MAPK8IP1: variants seen among roughly 807,000 people sequenced by gnomAD.
MAPK8IP1 encodes the protein C-Jun-amino-terminal kinase-interacting protein 1.
MAPK8IP1 carries 17 observed loss-of-function variants against 72.6 expected under a neutral mutation model. That is an observed-to-expected ratio of 0.23 (90% CI 0.16 to 0.35). The LOEUF (loss-of-function observed/expected upper bound fraction) is 0.35. Among genes scored for constraint, MAPK8IP1 ranks in the 10% least tolerant of loss-of-function variants. The pLI is 1.00. For synonymous variants in MAPK8IP1, 401 were observed against 443.4 expected, an observed-to-expected ratio of 0.90 and a Z score of 1.20; for missense variants, 789 against 1,009.7, an observed-to-expected ratio of 0.78 and a Z score of 2.96.
rs779892799 is a variant in MAPK8IP1 at position 45,903,215 on chromosome 11, G to C, written c.1417+31G>C. 3.1e-6 allele frequency: 5 copies of C among 1,594,094 alleles called. No homozygotes were observed. In the African/African-American group the frequency reaches 5.4e-5, roughly 17 times the overall value. ...TCAGCAAGGGGAAGCAGTGGGGTGG[G>C]GGGGTCCCTAGCGGGGGCAGAGCCA... On this transcript the variant is annotated intron_variant, in intron 5 of 11. Transcript: ENST00000241014. This position sits in a 1 kb window ranked among gnomAD's most constrained non-coding sequence, Gnocchi z 6.4.
rs1280255769 is a variant in MAPK8IP1 at position 45,885,928 on chromosome 11, G to A, written c.101+7G>A. On this transcript the variant is annotated splice_region_variant and intron_variant, in intron 1 of 11. Transcript: ENST00000241014. ...CTTCGCCTCCCAATTTCAGGTGAGA[G>A]TCCCCGGCCGCCGCGCGCCTCGCCC... 2 of 1,470,706 alleles carry A rather than the reference G, an allele frequency of 1.4e-6. No individual in the cohort carries two copies. Among genetic ancestry groups the A allele is most frequent in the Non-Finnish European group, 1.8e-6 (2 of 1,106,198 alleles). The allele number at this position is 1,470,706 out of a possible 1,614,324, so 91.1% of individuals were successfully genotyped here.
chr11:45,894,146 C>A (rs1403429180), intron 1 of MAPK8IP1, among the ~76,000 whole-genome samples: 2 of 152,160 alleles, frequency 1.3e-5, no homozygotes, highest in African/African-American at 4.8e-5. Context: ...ACCTTTATGT[C>A]TAAGCCTTAG....
At chr11:45,890,268 T>A (rs935220973) in intron 1 of MAPK8IP1, among the ~76,000 whole-genome samples, 1 of 152,196 alleles carries the variant, frequency 6.6e-6, no homozygotes, top group Admixed American at 6.5e-5. Flanking sequence ...AGGAAAGGAA[T>A]GACAGGGTCA....
chr11:45,896,953 AGGGGCTACC>A (rs2086612275), intron 1 of MAPK8IP1: 1 of 1,570,574 alleles, frequency 6.4e-7, no homozygotes, highest in Non-Finnish European at 8.6e-7. Context: ...GAGCGCTGGT[AGGGGCTACC>A]GGGGCTGGCG....
rs896968309 is a variant in MAPK8IP1, at chr11:45,905,038, A to G, written c.1961A>G (p.Asn654Ser). Reference sequence around the variant, plus strand: ...TTCTGCGGATATCATCCAAAGAACAACAAGTAAGTGGGGGTGGGATGGCAG... The same window carrying G: ...TTCTGCGGATATCATCCAAAGAACAGCAAGTAAGTGGGGGTGGGATGGCAG... ...ISFCGYHPKN[N>S]KYFGFITKHP... The change falls in exon 10 of 12, where the codon AAC (asparagine) becomes AGC (serine). Residue 654 changes from asparagine (N) to serine (S), a missense_variant. Asn to Ser is a conservative substitution (Grantham distance 46). Coordinates refer to ENST00000241014, the MANE Select transcript of MAPK8IP1 (RefSeq NM_005456.4). 6.2e-7 allele frequency: 1 copy of G among 1,614,108 alleles called. No individual in the cohort carries two copies. Among genetic ancestry groups the G allele is most frequent in the Non-Finnish European group, 8.5e-7 (1 of 1,180,018 alleles).
In MAPK8IP1 at chr11:45,903,841, C is replaced by T. The variant is rs1166035839; in HGVS notation, c.1494-148C>T. The T allele has an allele frequency of 5.1e-6, 4 of 779,040 alleles. No individual in the cohort carries two copies. Among genetic ancestry groups the T allele is most frequent in the South Asian group, 4.2e-5 (3 of 71,368 alleles). The allele number at this position is 779,040 out of a possible 1,614,324, so 48.3% of individuals were successfully genotyped here. ...TGCATGTCTGCTTGACCTTGCTCTC[C>T]CCTGGGGTTAGTACTGCAACAGGCA... is the stretch of plus-strand genomic sequence containing the variant. On this transcript the variant is annotated intron_variant, in intron 6 of 11. Coordinates refer to ENST00000241014, the MANE Select transcript of MAPK8IP1 (RefSeq NM_005456.4). The surrounding 1 kb of genome is among the most constrained non-coding windows in gnomAD (Gnocchi z 6.4).
intron 1 of MAPK8IP1, among the ~76,000 whole-genome samples, chr11:45,888,487 C>T (rs922805504): frequency 6.6e-6 from 1 of 152,130 alleles, no homozygotes; most frequent in Admixed American, 6.5e-5. Flanking sequence ...GTCAGAGCCA[C>T]CCCAAAAAGA....
At chr11:45,886,010 G>T (rs939659425) in intron 1 of MAPK8IP1, 89 bp downstream of exon 1, 5 of 788,114 alleles carry the variant, frequency 6.3e-6, no homozygotes, top group Non-Finnish European at 7.2e-6. Flanking sequence ...CCAGAACCTC[G>T]GGAACCCGGG....
At chr11:45,901,106 C>T (rs964546320) in intron 3 of MAPK8IP1, among the ~76,000 whole-genome samples, 1 of 152,048 alleles carries the variant, frequency 6.6e-6, no homozygotes, top group South Asian at 2.1e-4. Flanking sequence ...CCATCGGGAG[C>T]GGTGCAGGCA....
At position 45,902,420 on chromosome 11, in the gene MAPK8IP1, C is replaced by A. The variant is rs778378516; in HGVS notation, c.653C>A (p.Pro218His). 1.2e-5 allele frequency: 19 copies of A among 1,584,948 alleles called. No individual in the cohort carries two copies. The highest frequency in any genetic ancestry group is 2.3e-5 in the South Asian group (2 of 87,616). ...CACATCTGCCTGAGCGATGAGCTGC[C>A]CCCCCAGAGCGGCCCCGCCCCCACC... Reference protein sequence around the residue: ...HEHICLSDELPPQSGPAPTTD... With the variant: ...HEHICLSDELHPQSGPAPTTD... The change falls in exon 5 of 12, where the codon CCC becomes CAC. Residue 218 changes from proline to histidine, a missense_variant. Physicochemically the swap from Pro to His is moderately conservative, Grantham distance 77. Around this residue, in one of 4 missense-constraint regions of MAPK8IP1, gnomAD observed 377 missense variants for 411.7 expected, o/e 0.92. Coordinates refer to ENST00000241014, the MANE Select transcript of MAPK8IP1 (RefSeq NM_005456.4). The surrounding 1 kb of genome is among the most constrained non-coding windows in gnomAD (Gnocchi z 9.3).
At chr11:45,892,103 C>T (rs1012487165) in intron 1 of MAPK8IP1, among the ~76,000 whole-genome samples, 1 of 152,158 alleles carries the variant, frequency 6.6e-6, no homozygotes, top group South Asian at 2.1e-4. Flanking sequence ...AGATGACCTC[C>T]GTATGGAGGT....
At chr11:45,892,934 G>T (rs558588142) in intron 1 of MAPK8IP1, among the ~76,000 whole-genome samples, 3 of 152,296 alleles carry the variant, frequency 2.0e-5, no homozygotes, top group African/African-American at 7.2e-5. Flanking sequence ...GGTGTCCTGA[G>T]AACTCACTGG....
rs1197995890 is a variant in MAPK8IP1 at position 45,904,414 on chromosome 11, C to T, written c.1667-41C>T. On this transcript the variant is annotated intron_variant, in intron 7 of 11. Coordinates refer to ENST00000241014, the MANE Select transcript of MAPK8IP1 (RefSeq NM_005456.4). This position sits in a 1 kb window ranked among gnomAD's most constrained non-coding sequence, Gnocchi z 6.4. ...CTTCACTTGGCTGCTCAGCTCCCTC[C>T]TGCTCTTTCTGCCCCTCCTCAATTC... The T allele has an allele frequency of 6.5e-7, 1 of 1,537,586 alleles. No individual in the cohort carries two copies. Among genetic ancestry groups the T allele is most frequent in the Non-Finnish European group, 9.0e-7 (1 of 1,112,584 alleles).
chr11:45,900,078 G>A lies in MAPK8IP1; in HGVS notation c.208-60G>A. On this transcript the variant is annotated intron_variant, in intron 2 of 11. Coordinates refer to ENST00000241014, the MANE Select transcript of MAPK8IP1 (RefSeq NM_005456.4). The surrounding 1 kb of genome is among the most constrained non-coding windows in gnomAD (Gnocchi z 6.5). ...TGGACTCGCCCGGGCGGGGGGCGGT[G>A]CAAGCGGCCTCGGCCCCGCCCCGGC... 4.7e-6 allele frequency: 5 copies of A among 1,069,688 alleles called. No homozygotes were observed. Among genetic ancestry groups the A allele is most frequent in the Non-Finnish European group, 5.8e-6 (5 of 860,218 alleles). 66.3% of individuals were successfully genotyped at this position (1,069,688 alleles called of 1,614,324 possible).
In MAPK8IP1 at chr11:45,903,349, AC is replaced by A. The variant is rs1565075222; in HGVS notation, c.1418-14del. 1 of 1,613,302 alleles carries A rather than the reference AC, an allele frequency of 6.2e-7. No individual in the cohort carries two copies. The highest frequency in any genetic ancestry group is 1.1e-5 in the South Asian group (1 of 91,032). On this transcript the variant is annotated splice_polypyrimidine_tract_variant and intron_variant, in intron 5 of 11. Coordinates refer to ENST00000241014, the MANE Select transcript of MAPK8IP1 (RefSeq NM_005456.4). This position sits in a 1 kb window ranked among gnomAD's most constrained non-coding sequence, Gnocchi z 6.4. ...GAGCTGCGACCCCCCATCCAGCCAC[AC>A]CACCTCACCTGCAGGTGCTGAGTCC...
intron 2 of MAPK8IP1, 139 bp downstream of exon 2, chr11:45,898,329 T>G: frequency 1.5e-6 from 1 of 648,972 alleles, no homozygotes; most frequent in Admixed American, 2.1e-5. Flanking sequence ...GCAAGAAACA[T>G]AGGTATACTG....
At chr11:45,897,205 A>ACC (rs142370153) in intron 1 of MAPK8IP1, among the ~76,000 whole-genome samples, 9 of 144,022 alleles carry the variant, frequency 6.2e-5, no homozygotes, top group African/African-American at 2.0e-4. Context: ...CCCCCCCACC[A>ACC]CCCCCCCAGC....
At position 45,905,915 on chromosome 11, in the gene MAPK8IP1, G is replaced by C. The variant is rs575044535; in HGVS notation, c.*194G>C. On this transcript the variant is annotated 3_prime_UTR_variant, in exon 12 of 12. Coordinates refer to ENST00000241014, the MANE Select transcript of MAPK8IP1 (RefSeq NM_005456.4). ...AAATGCAGTTTATTGTAATATATGG[G>C]ATTAGATTCATCTATGGAGGGCAGA... 3 of 625,640 alleles carry C rather than the reference G, an allele frequency of 4.8e-6. No homozygotes were observed. The highest frequency in any genetic ancestry group is 3.6e-5 in the African/African-American group (2 of 55,192). 38.8% of individuals were successfully genotyped at this position (625,640 alleles called of 1,614,324 possible).
At chr11:45,901,933 G>C (rs1401898152) in intron 3 of MAPK8IP1, 47 bp from the exon 4 acceptor site, 1 of 1,462,422 alleles carries the variant, frequency 6.8e-7, no homozygotes, top group African/African-American at 1.4e-5. Flanking sequence ...CCTGTGCCGG[G>C]CACTGTTGAC....
Sources: gnomAD v4.1 joint callset for allele counts (sites outside exome capture counted in the v4.1 genomes callset) on GRCh38, gnomAD v4.1.1 for gene constraint, gnomAD v4.1.1 regional missense constraint, Gnocchi (gnomAD v3.1) non-coding constraint, MANE v1.5 for transcripts, NCBI Gene and HGNC (gene_info 2026-07-23, HGNC 2026-07-21) for gene names.